The following PRRT3 variants were observed in gnomAD, a reference collection of about 807,000 sequenced individuals.
PRRT3 encodes the protein proline-rich transmembrane protein 3.
A neutral mutation model predicts 56.6 loss-of-function variants in PRRT3; 48 were observed. The observed-to-expected ratio is 0.85, with a 90% confidence interval of 0.67 to 1.08. The LOEUF is 1.08. Ranked by LOEUF, PRRT3 falls within the 50% of genes least tolerant of loss-of-function variation. The pLI, the probability that PRRT3 is intolerant of heterozygous loss-of-function variation, is 0.00. For missense variants in PRRT3, 1,370 were observed against 1,353.1 expected (o/e 1.01, Z -0.20); for synonymous variants, 641 against 619.1 (o/e 1.04, Z -0.52).
chr3:9,948,472 A>G (rs986393905), intron 3 of PRRT3: 2 of 499,404 alleles, frequency 4.0e-6, no homozygotes, highest in Non-Finnish European at 7.0e-6. Context: ...GACTACAGGT[A>G]TGCACCACCA....
rs1241611217 is a variant in PRRT3 at position 9,947,839 on chromosome 3, G to A, written c.1334C>T (p.Pro445Leu). Reference sequence around the variant, plus strand: ...GGCGTTGGCTGGGGGGCTGGAGGCTGGGGCTGAAGCCATGGAGCTGGCGGT... The same window carrying A: ...GGCGTTGGCTGGGGGGCTGGAGGCTAGGGCTGAAGCCATGGAGCTGGCGGT... The part of the protein sequence containing the change: ...EPTASSMASA[P>L]ASSPPANATA... Residue 445 changes from proline to leucine, a missense_variant, in exon 4 of 4, where the codon CCA becomes CTA. Coordinates refer to ENST00000412055, the MANE Select transcript of PRRT3 (RefSeq NM_207351.5). The surrounding 1 kb of genome is among the most constrained non-coding windows in gnomAD (Gnocchi z 9.2). The A allele has an allele frequency of 7.0e-7, 1 of 1,436,348 alleles. No homozygotes were observed. The highest frequency in any genetic ancestry group is 9.1e-7 in the Non-Finnish European group (1 of 1,094,358). 89.0% of individuals were successfully genotyped at this position (1,436,348 alleles called of 1,614,324 possible).
Position 9,947,387 on chromosome 3 carries a change from C to A in PRRT3, c.1786G>T (p.Val596Leu). The A allele has an allele frequency of 6.2e-7, 1 of 1,612,284 alleles. No individual in the cohort carries two copies. The highest frequency in any genetic ancestry group is 8.5e-7 in the Non-Finnish European group (1 of 1,179,590). Residue 596 changes from valine (V) to leucine (L), a missense_variant, in exon 4 of 4, where the codon GTG becomes TTG. Val to Leu is a conservative substitution (Grantham distance 32, BLOSUM62 1). Coordinates refer to ENST00000412055, the MANE Select transcript of PRRT3 (RefSeq NM_207351.5). The surrounding 1 kb of genome is among the most constrained non-coding windows in gnomAD (Gnocchi z 9.2). ...AAGCCCTGCGTCAGGAGGTTGAGCA[C>A]AGACCATGTGGACAGCAGGTCTGTC... ...LATDLLSTWS[V>L]LNLLTQGLSC...
rs748309457 is a variant in PRRT3, at chr3:9,947,520, C to T, written c.1653G>A (p.Ala551=). 7.9e-5 allele frequency: 127 copies of T among 1,611,616 alleles called. No individual in the cohort carries two copies. The highest frequency in any genetic ancestry group is 2.5e-4 in the Admixed American group (15 of 59,952). The change falls in exon 4 of 4, where the codon GCG becomes GCA. Residue 551 remains alanine, a synonymous_variant. Coordinates refer to ENST00000412055, the MANE Select transcript of PRRT3 (RefSeq NM_207351.5). The surrounding 1 kb of genome is among the most constrained non-coding windows in gnomAD (Gnocchi z 9.2). ...YNLPFPLLLT[A]LAALTLLGLG... ...GGCCGAGCAGAGTCAGGGCTGCCAG[C>T]GCCGTAAGCAGCAAGGGGAAGGGCA...
At position 9,948,805 on chromosome 3, in the gene PRRT3, C is replaced by T; in HGVS notation, c.1124G>A (p.Gly375Asp). 6.2e-7 allele frequency: 1 copy of T among 1,613,936 alleles called. No individual in the cohort carries two copies. Among genetic ancestry groups the T allele is most frequent in the East Asian group, 2.2e-5 (1 of 44,874 alleles). The change falls in exon 3 of 4, where the codon GGC becomes GAC. Residue 375 changes from glycine (G) to aspartate (D), a missense_variant. Coordinates refer to ENST00000412055, the MANE Select transcript of PRRT3 (RefSeq NM_207351.5). ...KSLIPGPSDP[G>D]PAVNRTESPM... ...GCTCTCTGTTCGGTTTACAGCTGGGCCAGGGTCTGAGGGACCAGGGATGAG... is the reference window on the plus strand; with the variant it reads ...GCTCTCTGTTCGGTTTACAGCTGGGTCAGGGTCTGAGGGACCAGGGATGAG...
Position 9,946,222 on chromosome 3 carries a change from G to T in PRRT3, c.*5C>A, listed in dbSNP as rs570360816. ...AGGGTCCTGGCCCTGCGTCAGGACC[G>T]CTCTTCAAAGCTCGATGGTATCACT... On this transcript the variant is annotated 3_prime_UTR_variant, in exon 4 of 4. Coordinates refer to ENST00000412055, the MANE Select transcript of PRRT3 (RefSeq NM_207351.5). The surrounding 1 kb of genome is among the most constrained non-coding windows in gnomAD (Gnocchi z 4.1). 2.5e-6 allele frequency: 4 copies of T among 1,610,636 alleles called. No homozygotes were observed. The highest frequency in any genetic ancestry group is 3.4e-6 in the Non-Finnish European group (4 of 1,179,090).
In PRRT3 at chr3:9,946,625, G is replaced by A; in HGVS notation, c.2548C>T (p.Pro850Ser). The A allele has an allele frequency of 1.4e-6, 2 of 1,392,362 alleles. No homozygotes were observed. The highest frequency in any genetic ancestry group is 3.7e-5 in the Admixed American group (1 of 27,106). 86.3% of individuals were successfully genotyped at this position (1,392,362 alleles called of 1,614,324 possible). A position where few individuals can be genotyped will look rare whatever the true frequency, so the allele number is the denominator to read the frequency against. Reference sequence around the variant, plus strand: ...GCTTTGGGATGGCTGCCCCGGCGCGGCCGCAGAGCGCCTCCAGGCGGCGGG... The same window carrying A: ...GCTTTGGGATGGCTGCCCCGGCGCGACCGCAGAGCGCCTCCAGGCGGCGGG... The part of the protein sequence containing the change: ...ASPPPGGALR[P>S]RRGSHPKAEL... The change falls in exon 4 of 4, where the codon CCG becomes TCG. Residue 850 changes from proline to serine, a missense_variant. By Grantham distance (74) the Pro-to-Ser change is moderately conservative (BLOSUM62 -1). Coordinates refer to ENST00000412055, the MANE Select transcript of PRRT3 (RefSeq NM_207351.5). This position sits in a 1 kb window ranked among gnomAD's most constrained non-coding sequence, Gnocchi z 4.1.
intron 1 of PRRT3, among the ~76,000 whole-genome samples, chr3:9,951,987 C>G (rs897194520): frequency 7.9e-5 from 12 of 152,244 alleles, no homozygotes; most frequent in Non-Finnish European, 1.5e-5. Context: ...CACCTGCGGA[C>G]AAGGCGGGGG....
Position 9,949,755 on chromosome 3 carries a change from C to G in PRRT3, c.361G>C (p.Gly121Arg). 6.2e-7 allele frequency: 1 copy of G among 1,614,176 alleles called. No homozygotes were observed. The highest frequency in any genetic ancestry group is 1.1e-5 in the South Asian group (1 of 91,080). Residue 121 changes from glycine (G) to arginine (R), a missense_variant, in exon 2 of 4, where the codon GGA becomes CGA. Transcript: ENST00000412055. The surrounding 1 kb of genome is among the most constrained non-coding windows in gnomAD (Gnocchi z 4.5). ...PVTDDLQMAQGPSSHGWTGPL... is the reference protein window; with the variant it reads ...PVTDDLQMAQRPSSHGWTGPL... The stretch of plus-strand genomic sequence containing the variant: ...CCTGTCCAGCCGTGGGAGCTTGGTC[C>G]TTGAGCCATCTGGAGGTCATCAGTT...
chr3:9,947,640 G>C lies in PRRT3; in HGVS notation c.1533C>G (p.Leu511=), dbSNP rs754871387. 4 of 1,576,154 alleles carry C rather than the reference G, an allele frequency of 2.5e-6. No homozygotes were observed. The highest frequency in any genetic ancestry group is 1.4e-5 in the African/African-American group (1 of 73,914). Residue 511 remains leucine, a synonymous_variant, in exon 4 of 4, where the codon CTC becomes CTG. Coordinates refer to ENST00000412055, the MANE Select transcript of PRRT3 (RefSeq NM_207351.5). This position sits in a 1 kb window ranked among gnomAD's most constrained non-coding sequence, Gnocchi z 9.2. ...AGGCGGATCGCAGCGCCGAAGCCAC[G>C]AGCACCAGCACCGCGGCCACCAATG... The part of the protein sequence containing the change: ...RLALVAAVLV[L]VASALRSAYM...
chr3:9,947,320 C>A lies in PRRT3; in HGVS notation c.1853G>T (p.Cys618Phe). ...GTCCAGCAGGCGGCGACGGCACAGG[C>A]AGAGCGTGCCCAGAGCCACGGCCGC... ...WGAAVALGTL[C>F]LCRRRLLDGP... The change falls in exon 4 of 4, where the codon TGC becomes TTC. Residue 618 changes from cysteine to phenylalanine, a missense_variant. Coordinates refer to ENST00000412055, the MANE Select transcript of PRRT3 (RefSeq NM_207351.5). The surrounding 1 kb of genome is among the most constrained non-coding windows in gnomAD (Gnocchi z 9.2). 1 of 1,601,170 alleles carries A rather than the reference C, an allele frequency of 6.2e-7. No homozygotes were observed. Among genetic ancestry groups the A allele is most frequent in the Non-Finnish European group, 8.5e-7 (1 of 1,176,044 alleles).
At position 9,946,900 on chromosome 3, in the gene PRRT3, G is replaced by T. The variant is rs941217253; in HGVS notation, c.2273C>A (p.Pro758Gln). 1 of 1,539,216 alleles carries T rather than the reference G, an allele frequency of 6.5e-7. No homozygotes were observed. The highest frequency in any genetic ancestry group is 1.2e-5 in the South Asian group (1 of 84,340). The change falls in exon 4 of 4, where the codon CCG (proline) becomes CAG (glutamine). Residue 758 changes from proline to glutamine, a missense_variant. Transcript: ENST00000412055. The surrounding 1 kb of genome is among the most constrained non-coding windows in gnomAD (Gnocchi z 4.1). Reference protein sequence around the residue: ...LDISKSLIRNPAESGQLATPS... With the variant: ...LDISKSLIRNQAESGQLATPS... The stretch of plus-strand genomic sequence containing the variant: ...CGTGGCCAGCTGCCCACTCTCCGCC[G>T]GGTTGCGGATGAGGCTCTTGCTGAT...
chr3:9,946,569 G>A lies in PRRT3; in HGVS notation c.2604C>T (p.Leu868=), dbSNP rs927904666. The change falls in exon 4 of 4, where the codon CTC becomes CTT. Residue 868 remains leucine (L), a synonymous_variant. Transcript: ENST00000412055. The surrounding 1 kb of genome is among the most constrained non-coding windows in gnomAD (Gnocchi z 4.1). ...CGCTGAGCGACCTGCAGCGGCCGCG[G>A]AGGAGCGAGGAGCCAGCGTCGTCGA... The part of the protein sequence containing the change: ...AELDDAGSSL[L]RGRCRSLSDV... 7 of 1,411,016 alleles carry A rather than the reference G, an allele frequency of 5.0e-6. No homozygotes were observed. In the South Asian group the frequency reaches 1.1e-4, roughly 22 times the overall value. The allele number at this position is 1,411,016 out of a possible 1,614,324, so 87.4% of individuals were successfully genotyped here.
Position 9,946,294 on chromosome 3 carries a change from C to G in PRRT3, c.2879G>C (p.Gly960Ala). The change falls in exon 4 of 4, where the codon GGA (glycine) becomes GCA (alanine). Residue 960 changes from glycine (G) to alanine (A), a missense_variant. Gly to Ala is a moderately conservative substitution (Grantham distance 60, BLOSUM62 0). Transcript: ENST00000412055. This position sits in a 1 kb window ranked among gnomAD's most constrained non-coding sequence, Gnocchi z 4.1. ...STAARQGDGQ[G>A]EVQPRGKPGE... is the part of the protein sequence containing the mutation. ...AGGCTTGCCGCGCGGCTGGACCTCT[C>G]CCTGGCCGTCCCCCTGCCGAGCGGC... 6.2e-7 allele frequency: 1 copy of G among 1,612,706 alleles called. No individual in the cohort carries two copies. Among genetic ancestry groups the G allele is most frequent in the Non-Finnish European group, 8.5e-7 (1 of 1,179,848 alleles).
intron 1 of PRRT3, among the ~76,000 whole-genome samples, chr3:9,950,858 G>A (rs1274067127): frequency 6.6e-6 from 1 of 152,164 alleles, no homozygotes; most frequent in Non-Finnish European, 1.5e-5. Context: ...AGAGGGAGAG[G>A]AATATGCACC....
rs751849442 is a variant in PRRT3, at chr3:9,946,817, G to A, written c.2356C>T (p.Pro786Ser). 1 of 1,544,584 alleles carries A rather than the reference G, an allele frequency of 6.5e-7. No homozygotes were observed. Residue 786 changes from proline to serine, a missense_variant, in exon 4 of 4, where the codon CCG becomes TCG. By Grantham distance (74) the Pro-to-Ser change is moderately conservative (BLOSUM62 -1). Transcript: ENST00000412055. The surrounding 1 kb of genome is among the most constrained non-coding windows in gnomAD (Gnocchi z 4.1). ...CCCACACCGTTGCGGGACAGTCCCG[G>A]GCCACCCTGGGGTCCGCGACCCAAC... Reference protein sequence around the residue: ...ASLGRGPQGGPGLSRNGVGPA... With the variant: ...ASLGRGPQGGSGLSRNGVGPA...
At position 9,948,807 on chromosome 3, in the gene PRRT3, A is replaced by C; in HGVS notation, c.1122T>G (p.Pro374=). The C allele has an allele frequency of 6.2e-7, 1 of 1,613,876 alleles. No homozygotes were observed. Among genetic ancestry groups the C allele is most frequent in the Non-Finnish European group, 8.5e-7 (1 of 1,179,942 alleles). The change falls in exon 3 of 4, where the codon CCT becomes CCG. Residue 374 remains proline, a synonymous_variant. Transcript: ENST00000412055. ...TCTCTGTTCGGTTTACAGCTGGGCCAGGGTCTGAGGGACCAGGGATGAGAG... is the reference window on the plus strand; with the variant it reads ...TCTCTGTTCGGTTTACAGCTGGGCCCGGGTCTGAGGGACCAGGGATGAGAG... ...PKSLIPGPSD[P]GPAVNRTESP...
intron 3 of PRRT3, 76 bp from the exon 4 acceptor site, chr3:9,948,077 A>G: frequency 7.9e-7 from 1 of 1,260,346 alleles, no homozygotes; most frequent in South Asian, 3.5e-5. Context: ...TGTGGTTGGC[A>G]AGTCATTTAA....
rs1233031278 is a variant in PRRT3, at chr3:9,949,341, C to T, written c.775G>A (p.Glu259Lys). 1.2e-6 allele frequency: 2 copies of T among 1,614,030 alleles called. No individual in the cohort carries two copies. Among genetic ancestry groups the T allele is most frequent in the African/African-American group, 2.7e-5 (2 of 74,932 alleles). ...CCTGGCTCCTGAGAGTACACCACCT[C>T]AACTGGGGGTACTGAGCCAACATCA... The part of the protein sequence containing the change: ...APDVGSVPPV[E>K]VVYSQEPGAQ... Residue 259 changes from glutamate (E) to lysine (K), a missense_variant, in exon 2 of 4, where the codon GAG becomes AAG. Glu to Lys is a moderately conservative substitution (Grantham distance 56). Coordinates refer to ENST00000412055, the MANE Select transcript of PRRT3 (RefSeq NM_207351.5). The surrounding 1 kb of genome is among the most constrained non-coding windows in gnomAD (Gnocchi z 4.5).
chr3:9,952,047 C>T (rs976120091), intron 1 of PRRT3, among the ~76,000 whole-genome samples: 1 of 152,160 alleles, frequency 6.6e-6, no homozygotes, highest in Non-Finnish European at 1.5e-5. Context: ...TGGGGGGTGG[C>T]GGATCTCTCT....
Sources: gnomAD v4.1 joint callset for allele counts (sites outside exome capture counted in the v4.1 genomes callset) on GRCh38, gnomAD v4.1.1 for gene constraint, Gnocchi (gnomAD v3.1) non-coding constraint, MANE v1.5 for transcripts, NCBI Gene and HGNC (gene_info 2026-07-23, HGNC 2026-07-21) for gene names.